CLASP1: variants seen among roughly 807,000 people sequenced by gnomAD.
CLASP1 encodes the protein CLIP-associating protein 1.
CLASP1 carries 38 observed loss-of-function variants against 192.3 expected under a neutral mutation model. The observed-to-expected ratio is 0.20, with a 90% confidence interval of 0.15 to 0.26. The LOEUF is 0.26. CLASP1 is among the 10% of genes least tolerant of loss of function. The probability of loss-of-function intolerance (pLI) is 1.00; values close to 1 mark genes in which losing one functional copy is unlikely to be tolerated. For synonymous variants in CLASP1, 691 were observed against 712.8 expected (o/e 0.97, Z 0.49); for missense variants, 1,433 against 1,932.5 (o/e 0.74, Z 4.85).
At chr2:121,348,709 C>T in exon 38 of CLASP1, 1 of 1,602,558 alleles carries the variant, frequency 6.2e-7, no homozygotes, top group South Asian at 1.1e-5. Context: ...TCCTCAGCCG[C>T]TCTCACCACC....
chr2:121,427,358 CCAACAA>C (rs201487859), intron 21 of CLASP1, 40 bp downstream of exon 21: 5 of 1,600,444 alleles, frequency 3.1e-6, no homozygotes, highest in Non-Finnish European at 3.4e-6. Flanking sequence ...GGGGAGAATG[CCAACAA>C]CAACAACAAC....
intron 20 of CLASP1, among the ~76,000 whole-genome samples, chr2:121,428,505 T>C (rs1450430065): frequency 1.3e-5 from 2 of 152,190 alleles, no homozygotes; most frequent in Admixed American, 1.3e-4. Context: ...ATGAGTCAAA[T>C]ATCCTTTTGT....
At chr2:121,465,014 G>A (rs1465284522) in intron 9 of CLASP1, among the ~76,000 whole-genome samples, 3 of 152,176 alleles carry the variant, frequency 2.0e-5, no homozygotes, top group Admixed American at 6.5e-5. Flanking sequence ...TTGATGGGAC[G>A]TATCTCAAAA....
intron 19 of CLASP1, among the ~76,000 whole-genome samples, chr2:121,446,092 G>C (rs1186582359): frequency 2.6e-5 from 4 of 152,176 alleles, no homozygotes; most frequent in African/African-American, 9.6e-5. Flanking sequence ...TTTAAAAAGA[G>C]AGTTCTTAAT....
At chr2:121,596,339 G>C (rs980790873) in intron 2 of CLASP1, among the ~76,000 whole-genome samples, 4 of 152,164 alleles carry the variant, frequency 2.6e-5, no homozygotes, top group African/African-American at 9.7e-5. Flanking sequence ...GAAAAAAATG[G>C]ACAGTCTCTG....
At chr2:121,346,907 T>G in intron 39 of CLASP1, 131 bp downstream of exon 40, 1 of 603,980 alleles carries the variant, frequency 1.7e-6, no homozygotes. Context: ...AAAAATCCTC[T>G]TGGAGAAATA....
intron 32 of CLASP1, among the ~76,000 whole-genome samples, chr2:121,383,867 G>A (rs994075127): frequency 6.6e-6 from 1 of 151,236 alleles, no homozygotes. Flanking sequence ...GCTGGTAATA[G>A]GAAGTTTATT....
At chr2:121,369,855 T>A (rs989392833) in intron 34 of CLASP1, among the ~76,000 whole-genome samples, 2 of 152,250 alleles carry the variant, frequency 1.3e-5, no homozygotes, top group Admixed American at 1.3e-4. Context: ...TCTGTTGAGT[T>A]CTTTCTTTAG....
chr2:121,350,665 T>C (rs906709921), intron 37 of CLASP1, among the ~76,000 whole-genome samples: 1 of 152,216 alleles, frequency 6.6e-6, no homozygotes, highest in Non-Finnish European at 1.5e-5. Context: ...ACTAGACAGC[T>C]GAGTTCATCT....
chr2:121,625,895 T>C (rs2068254065), intron 1 of CLASP1, among the ~76,000 whole-genome samples: 1 of 151,774 alleles, frequency 6.6e-6, no homozygotes, highest in Admixed American at 6.6e-5. Context: ...ATCAAGACGA[T>C]GGAGACCATC....
At chr2:121,625,427 A>ATTTT (rs397868546) in intron 1 of CLASP1, among the ~76,000 whole-genome samples, 46 of 95,762 alleles carry the variant, frequency 4.8e-4, no homozygotes, top group Non-Finnish European at 7.0e-4. Flanking sequence ...TCTTTCTTTC[A>ATTTT]TTTTTTTTTT....
intron 28 of CLASP1, among the ~76,000 whole-genome samples, chr2:121,400,717 A>G (rs1041255939): frequency 1.3e-5 from 2 of 152,214 alleles, no homozygotes; most frequent in South Asian, 2.1e-4. Context: ...TTGAAATTCT[A>G]TGATAACTAG....
At chr2:121,499,894 G>T (rs2093674446) in intron 8 of CLASP1, among the ~76,000 whole-genome samples, 2 of 151,786 alleles carry the variant, frequency 1.3e-5, no homozygotes, top group African/African-American at 4.8e-5. Flanking sequence ...AAATCCTACG[G>T]CTAATACCAT....
At chr2:121,374,876 CG>C (rs959197461) in intron 34 of CLASP1, among the ~76,000 whole-genome samples, 2 of 152,044 alleles carry the variant, frequency 1.3e-5, no homozygotes, top group African/African-American at 4.8e-5. Context: ...GGCTCATAGG[CG>C]GAAGGGACTT....
chr2:121,510,654 C>T (rs1284089582), intron 7 of CLASP1, among the ~76,000 whole-genome samples: 7 of 151,326 alleles, frequency 4.6e-5, no homozygotes, highest in African/African-American at 1.7e-4. Context: ...AGAAATTACC[C>T]GCGCATGGTA....
At chr2:121,461,805 C>T (rs968152135) in intron 10 of CLASP1, among the ~76,000 whole-genome samples, 18 of 152,200 alleles carry the variant, frequency 1.2e-4, no homozygotes, top group African/African-American at 4.1e-4. Flanking sequence ...CTCAATCTCC[C>T]GAATAGCTAG....
At chr2:121,506,518 G>A (rs2093954769) in intron 7 of CLASP1, among the ~76,000 whole-genome samples, 1 of 152,064 alleles carries the variant, frequency 6.6e-6, no homozygotes, top group South Asian at 2.1e-4. Context: ...GGAAGGAGGG[G>A]TAGAAATTGA....
chr2:121,400,249 A>T (rs1456244176), intron 28 of CLASP1, among the ~76,000 whole-genome samples: 1 of 152,194 alleles, frequency 6.6e-6, no homozygotes, highest in African/African-American at 2.4e-5. Flanking sequence ...CCTCACCGAC[A>T]GATGCAAGTA....
intron 13 of CLASP1, among the ~76,000 whole-genome samples, chr2:121,458,181 A>T (rs1317326382): frequency 6.6e-6 from 1 of 152,248 alleles, no homozygotes; most frequent in Admixed American, 6.5e-5. Flanking sequence ...CAAAGTAAAT[A>T]ACCAATAATC....
Sources: gnomAD v4.1 joint callset for allele counts (sites outside exome capture counted in the v4.1 genomes callset) on GRCh38, gnomAD v4.1.1 for gene constraint, MANE v1.5 for transcripts, NCBI Gene and HGNC (gene_info 2026-07-23, HGNC 2026-07-21) for gene names.